The following SPAG16 variants were observed in gnomAD, a reference collection of about 807,000 sequenced individuals.
The protein encoded by SPAG16 is sperm-associated antigen 16 protein.
Under a neutral mutation model 80.4 loss-of-function variants are expected in SPAG16, and 86 were observed. That is an observed-to-expected ratio of 1.07 (90% CI 0.90 to 1.28). SPAG16 has a LOEUF of 1.28. Among genes scored for constraint, SPAG16 ranks in the 50% most tolerant of loss-of-function variants. SPAG16 has a pLI of 0.00. For synonymous variants in SPAG16, 294 were observed against 265.9 expected (o/e 1.11, Z -1.03); for missense variants, 870 against 765.3 (o/e 1.14, Z -1.61).
At chr2:213,564,259 C>T (rs1245618169) in intron 10 of SPAG16, among the ~76,000 whole-genome samples, 2 of 152,008 alleles carry the variant, frequency 1.3e-5, no homozygotes, top group African/African-American at 4.8e-5. Flanking sequence ...GTCTGGGAGG[C>T]TAAGGCAGGT....
chr2:213,326,319 A>G (rs1024356548), intron 5 of SPAG16, among the ~76,000 whole-genome samples: 4 of 152,036 alleles, frequency 2.6e-5, no homozygotes, highest in Admixed American at 2.6e-4. Context: ...TTCAAAATTT[A>G]CTTCTATAAA....
chr2:213,377,713 G>C (rs1477933004), intron 9 of SPAG16, among the ~76,000 whole-genome samples: 2 of 151,926 alleles, frequency 1.3e-5, no homozygotes, highest in African/African-American at 4.8e-5. Context: ...TGGCAAGGTT[G>C]AAGGTGCAAG....
intron 15 of SPAG16, among the ~76,000 whole-genome samples, chr2:214,332,752 C>G (rs1451423505): frequency 6.6e-6 from 1 of 152,096 alleles, no homozygotes; most frequent in Non-Finnish European, 1.5e-5. Context: ...AAGGGTGACT[C>G]TAATCTCCAA....
chr2:214,175,065 G>T (rs1257036982), intron 15 of SPAG16, among the ~76,000 whole-genome samples: 1 of 151,288 alleles, frequency 6.6e-6, no homozygotes, highest in Non-Finnish European at 1.5e-5. Flanking sequence ...TACTTTATCA[G>T]CTATAATTCT....
At chr2:213,609,923 G>A (rs934737297) in intron 10 of SPAG16, among the ~76,000 whole-genome samples, 7 of 151,954 alleles carry the variant, frequency 4.6e-5, no homozygotes, top group Non-Finnish European at 8.8e-5. Flanking sequence ...TCCAGCCAAT[G>A]TAATCCCCAG....
At chr2:213,414,512 T>C (rs1377629733) in intron 9 of SPAG16, among the ~76,000 whole-genome samples, 2 of 152,194 alleles carry the variant, frequency 1.3e-5, no homozygotes, top group Non-Finnish European at 2.9e-5. Context: ...ATTATGACTT[T>C]TGAGTTTTCA....
At chr2:214,384,302 T>C (rs1700626873) in intron 15 of SPAG16, among the ~76,000 whole-genome samples, 2 of 152,226 alleles carry the variant, frequency 1.3e-5, no homozygotes, top group African/African-American at 2.4e-5. Context: ...GGAATTTTCC[T>C]TTCCTACTTA....
At chr2:214,090,647 C>T (rs543548483) in intron 13 of SPAG16, among the ~76,000 whole-genome samples, 68 of 152,000 alleles carry the variant, frequency 4.5e-4, no homozygotes, top group African/African-American at 1.6e-3. Flanking sequence ...ATACTTTATT[C>T]CTTCTTCTTC....
At chr2:213,872,264 C>T (rs2075983015) in intron 11 of SPAG16, among the ~76,000 whole-genome samples, 1 of 152,138 alleles carries the variant, frequency 6.6e-6, no homozygotes, top group Non-Finnish European at 1.5e-5. Flanking sequence ...GCTCTTATAA[C>T]ACCTTGACTT....
chr2:214,003,022 G>A (rs1358264300), intron 12 of SPAG16, among the ~76,000 whole-genome samples: 3 of 152,070 alleles, frequency 2.0e-5, no homozygotes, highest in Admixed American at 6.6e-5. Context: ...TAAAGGCCTC[G>A]ATATGTAGCA....
At position 213,389,970 on chromosome 2, in the gene SPAG16, A is replaced by C. The variant is rs143229287; in HGVS notation, c.942+14851A>C. On this transcript the variant is annotated intron_variant, in intron 9 of 15. Transcript: ENST00000331683. ...CAGTGTTACTCACAGTAGCTGAAAC[A>C]TGGAGACAATTCAGTGTTCATTGGC... Among the ~76,000 whole-genome samples, 171 of 152,324 alleles carry C rather than the reference A, an allele frequency of 1.1e-3. 1 individual carries two copies. The highest frequency in any genetic ancestry group is 4.0e-3 in the African/African-American group (165 of 41,584).
chr2:213,904,100 G>A (rs72946879), intron 11 of SPAG16, among the ~76,000 whole-genome samples: 28,553 of 152,028 alleles, frequency 0.19, 3,269 homozygotes, highest in South Asian at 0.32. Flanking sequence ...TTTCCCACAT[G>A]TTCCTGTCTT....
At chr2:213,641,593 G>C (rs1438449796) in intron 10 of SPAG16, among the ~76,000 whole-genome samples, 5 of 152,202 alleles carry the variant, frequency 3.3e-5, no homozygotes, top group Admixed American at 1.3e-4. Context: ...CTTCCTTGGG[G>C]TTCCCTGAAG....
chr2:214,368,326 A>G (rs1404264483), intron 15 of SPAG16, among the ~76,000 whole-genome samples: 2 of 151,894 alleles, frequency 1.3e-5, no homozygotes, highest in Non-Finnish European at 2.9e-5. Flanking sequence ...AAACTTTTCT[A>G]CTATAATATC....
chr2:213,362,353 A>G (rs2066029816), intron 7 of SPAG16, among the ~76,000 whole-genome samples: 1 of 152,214 alleles, frequency 6.6e-6, no homozygotes, highest in Non-Finnish European at 1.5e-5. Flanking sequence ...AATCTCGAGT[A>G]ATATATGTTG....
At chr2:214,271,276 T>G (rs1054993366) in intron 15 of SPAG16, among the ~76,000 whole-genome samples, 3 of 152,186 alleles carry the variant, frequency 2.0e-5, no homozygotes, top group Non-Finnish European at 4.4e-5. Context: ...TTTTTTAGCT[T>G]TGTTTTTATT....
At chr2:213,976,638 T>C (rs545534722) in intron 12 of SPAG16, among the ~76,000 whole-genome samples, 1 of 152,096 alleles carries the variant, frequency 6.6e-6, no homozygotes, top group East Asian at 1.9e-4. Flanking sequence ...CAGAAAAAGC[T>C]AGAAAAATTC....
intron 13 of SPAG16, among the ~76,000 whole-genome samples, chr2:214,041,976 GTGTATATATATATATATA>G (rs2049041297): frequency 3.4e-5 from 3 of 88,276 alleles, no homozygotes; most frequent in African/African-American, 5.4e-5. Flanking sequence ...GTGTCTGTGT[GTGTATATATATATATATA>G]TATATATATA....
At chr2:214,099,775 G>C (rs1236918402) in intron 13 of SPAG16, among the ~76,000 whole-genome samples, 1 of 152,002 alleles carries the variant, frequency 6.6e-6, no homozygotes, top group Non-Finnish European at 1.5e-5. Flanking sequence ...ATAAAATATA[G>C]TTAATAAAAA....
Sources: gnomAD v4.1 joint callset for allele counts (sites outside exome capture counted in the v4.1 genomes callset) on GRCh38, gnomAD v4.1.1 for gene constraint, MANE v1.5 for transcripts, NCBI Gene and HGNC (gene_info 2026-07-23, HGNC 2026-07-21) for gene names.